The following AUTS2 variants were observed in gnomAD, a reference collection of about 807,000 sequenced individuals.
AUTS2 encodes autism susceptibility gene 2 protein.
Under a neutral mutation model 112.4 loss-of-function variants are expected in AUTS2, and 17 were observed. The observed-to-expected ratio is 0.15, with a 90% CI of 0.10 to 0.23. AUTS2 has a LOEUF of 0.23. AUTS2 is among the 10% of genes least tolerant of loss of function. AUTS2 has a pLI of 1.00. For missense variants in AUTS2, 1,510 were observed against 1,701.6 expected (o/e 0.89, Z 1.98); for synonymous variants, 751 against 702.7 (o/e 1.07, Z -1.09).
At chr7:70,676,997 A>G (rs1389910915) in intron 5 of AUTS2, among the ~76,000 whole-genome samples, 2 of 152,268 alleles carry the variant, frequency 1.3e-5, no homozygotes, top group South Asian at 2.1e-4. Context: ...AACATTTAAT[A>G]TGTAACCTAG....
chr7:70,138,934 T>A (rs1806710088), intron 4 of AUTS2, among the ~76,000 whole-genome samples: 1 of 152,094 alleles, frequency 6.6e-6, no homozygotes, highest in African/African-American at 2.4e-5. Context: ...CCTTGAAATA[T>A]CTCCTGTTTT....
At chr7:70,366,998 T>G (rs1051830887) in intron 4 of AUTS2, among the ~76,000 whole-genome samples, 2 of 152,010 alleles carry the variant, frequency 1.3e-5, no homozygotes, top group Admixed American at 6.6e-5. Flanking sequence ...AAATACTGAT[T>G]TATGGGCTGG....
chr7:69,750,347 G>T (rs1490964989), intron 1 of AUTS2, among the ~76,000 whole-genome samples: 1 of 149,678 alleles, frequency 6.7e-6, no homozygotes, highest in Non-Finnish European at 1.5e-5. Flanking sequence ...CAAATACTAT[G>T]TTATTAGTAT....
chr7:69,866,122 G>A (rs1337496102), intron 1 of AUTS2, among the ~76,000 whole-genome samples: 1 of 152,086 alleles, frequency 6.6e-6, no homozygotes, highest in African/African-American at 2.4e-5. Flanking sequence ...TAACTGATCT[G>A]GTAGTTAATG....
intron 1 of AUTS2, among the ~76,000 whole-genome samples, chr7:69,738,786 A>G (rs1025295377): frequency 3.3e-5 from 5 of 151,898 alleles, no homozygotes; most frequent in Non-Finnish European, 7.4e-5. Context: ...CACTACTCTA[A>G]CGGTTTTTTT....
chr7:70,470,851 A>G (rs558560560), intron 5 of AUTS2, among the ~76,000 whole-genome samples: 2 of 152,234 alleles, frequency 1.3e-5, no homozygotes, highest in African/African-American at 4.8e-5. Flanking sequence ...GGCATTGTCT[A>G]GTAGTCTGTG....
At chr7:70,100,581 C>T (rs778759367) in intron 2 of AUTS2, among the ~76,000 whole-genome samples, 7 of 151,908 alleles carry the variant, frequency 4.6e-5, no homozygotes, top group Non-Finnish European at 1.0e-4. Flanking sequence ...CTCCCCCAGC[C>T]CCCCACCCCA....
chr7:70,328,421 T>G (rs1041987862), intron 4 of AUTS2, among the ~76,000 whole-genome samples: 3 of 152,068 alleles, frequency 2.0e-5, no homozygotes, highest in African/African-American at 7.2e-5. Context: ...AAGGTCTTGC[T>G]TTGTTGCCTA....
At chr7:70,463,736 T>G (rs1378502864) in intron 5 of AUTS2, among the ~76,000 whole-genome samples, 1 of 152,198 alleles carries the variant, frequency 6.6e-6, no homozygotes, top group East Asian at 1.9e-4. Context: ...CCTTTGTTCT[T>G]GTGTGTTTGC....
intron 2 of AUTS2, among the ~76,000 whole-genome samples, chr7:70,081,075 C>G (rs576902637): frequency 6.6e-6 from 1 of 152,266 alleles, no homozygotes; most frequent in African/African-American, 2.4e-5. Context: ...GTGTTTTTCT[C>G]TCAGAGCTTA....
rs1787143387 is a variant in AUTS2, at chr7:69,738,766, C to T, written c.309+138804C>T. On this transcript the variant is annotated intron_variant, in intron 1 of 18. Coordinates refer to ENST00000342771, the MANE Select transcript of AUTS2 (RefSeq NM_015570.4). ...AATCAAAATGACTTAAAGCAGCTTC[C>T]CTTGAGAAGCACTACTCTAACGGTT... Among the ~76,000 whole-genome samples the T allele has an allele frequency of 2.6e-5, 4 of 152,072 alleles. No homozygotes were observed. In the South Asian group the frequency reaches 8.3e-4, roughly 32 times the overall value.
intron 5 of AUTS2, among the ~76,000 whole-genome samples, chr7:70,630,755 C>T (rs914501812): frequency 1.1e-4 from 17 of 152,214 alleles, no homozygotes; most frequent in Non-Finnish European, 1.0e-4. Context: ...CCTCTAACAG[C>T]GCCCTTTAGA....
At chr7:70,178,073 A>C (rs1809091632) in intron 4 of AUTS2, among the ~76,000 whole-genome samples, 1 of 151,634 alleles carries the variant, frequency 6.6e-6, no homozygotes, top group Non-Finnish European at 1.5e-5. Context: ...GTGCCACCAC[A>C]CCCAGCTAAT....
At chr7:69,999,829 G>T (rs1334816068) in intron 2 of AUTS2, among the ~76,000 whole-genome samples, 1 of 152,150 alleles carries the variant, frequency 6.6e-6, no homozygotes, top group Non-Finnish European at 1.5e-5. Context: ...CCTAAATCTT[G>T]CTTGTGGAAG....
At chr7:69,852,536 T>A (rs1792531681) in intron 1 of AUTS2, among the ~76,000 whole-genome samples, 1 of 152,110 alleles carries the variant, frequency 6.6e-6, no homozygotes, top group South Asian at 2.1e-4. Context: ...CACTGCAACC[T>A]CCGCCTCCTG....
intron 2 of AUTS2, among the ~76,000 whole-genome samples, chr7:69,998,390 G>A (rs1284860134): frequency 1.3e-5 from 2 of 152,036 alleles, no homozygotes; most frequent in Non-Finnish European, 2.9e-5. Flanking sequence ...AATTCTAAGA[G>A]CTCCCTGTGT....
intron 6 of AUTS2, among the ~76,000 whole-genome samples, chr7:70,743,906 T>A (rs1450441069): frequency 6.6e-6 from 1 of 152,196 alleles, no homozygotes; most frequent in Non-Finnish European, 1.5e-5. Context: ...TATAGGAACT[T>A]GAAGCAAAGA....
intron 4 of AUTS2, among the ~76,000 whole-genome samples, chr7:70,144,172 A>G (rs1807004310): frequency 6.6e-6 from 1 of 152,018 alleles, no homozygotes; most frequent in South Asian, 2.1e-4. Flanking sequence ...TTGTGAGCAG[A>G]TCTTATCAAT....
At chr7:70,027,888 T>C (rs1026911509) in intron 2 of AUTS2, among the ~76,000 whole-genome samples, 1 of 152,118 alleles carries the variant, frequency 6.6e-6, no homozygotes, top group Non-Finnish European at 1.5e-5. Context: ...TTAAGTGTTT[T>C]TTTTTGTTTG....
Sources: allele counts gnomAD v4.1 joint callset (sites outside exome capture counted in the v4.1 genomes callset), GRCh38; gene constraint gnomAD v4.1.1; transcripts MANE v1.5; gene names NCBI Gene and HGNC (gene_info 2026-07-23, HGNC 2026-07-21).